The following SEC24A variants were observed in gnomAD, a reference collection of about 807,000 sequenced individuals.
The protein encoded by SEC24A is protein transport protein Sec24A.
Under a neutral mutation model 129.4 loss-of-function variants are expected in SEC24A, and 93 were observed. That is an observed-to-expected ratio of 0.72 (90% confidence interval 0.61 to 0.85). The LOEUF (loss-of-function observed/expected upper bound fraction) is 0.85, where lower values mean the gene tolerates loss of function less well. Ranked by LOEUF, SEC24A falls within the 40% of genes least tolerant of loss-of-function variation. The probability of loss-of-function intolerance (pLI) is 0.00; values close to 1 mark genes in which losing one functional copy is unlikely to be tolerated. For synonymous variants in SEC24A, 460 were observed against 467.3 expected (o/e 0.98, Z 0.20); for missense variants, 1,264 against 1,307.4 (o/e 0.97, Z 0.51).
intron 2 of SEC24A, among the ~76,000 whole-genome samples, chr5:134,663,593 G>A (rs557216512): frequency 3.9e-5 from 6 of 152,276 alleles, no homozygotes; most frequent in African/African-American, 1.4e-4. Flanking sequence ...CAAGGCAGGA[G>A]GATCCACTTG....
At chr5:134,724,928 G>A (rs1752723553) in intron 22 of SEC24A, 52 bp from the exon 23 acceptor site, 2 of 866,664 alleles carry the variant, frequency 2.3e-6, no homozygotes, top group African/African-American at 1.7e-5. Context: ...CTTCTGACAA[G>A]TCTATTTTAC....
chr5:134,671,671 T>C (rs1183241843), intron 3 of SEC24A, 138 bp from the exon 4 acceptor site: 1 of 527,506 alleles, frequency 1.9e-6, no homozygotes, highest in Non-Finnish European at 3.2e-6. Context: ...ACTTGGATTT[T>C]TTATGTTGTT....
intron 11 of SEC24A, 87 bp from the exon 12 acceptor site, chr5:134,692,515 G>A (rs1416480656): frequency 1.5e-6 from 1 of 676,096 alleles, no homozygotes; most frequent in Non-Finnish European, 2.6e-6. Flanking sequence ...TTAAGGAAGG[G>A]GGTGGTTAAT....
chr5:134,713,278 T>C (rs1212816376), intron 18 of SEC24A, among the ~76,000 whole-genome samples: 1 of 152,134 alleles, frequency 6.6e-6, no homozygotes, highest in Non-Finnish European at 1.5e-5. Context: ...TTCTTTCTTC[T>C]TCAGGCCTTT....
At chr5:134,688,405 T>C (rs1751521464) in intron 11 of SEC24A, 106 bp downstream of exon 11, 1 of 700,576 alleles carries the variant, frequency 1.4e-6, no homozygotes, top group Admixed American at 2.7e-5. Context: ...AGGAAAATCT[T>C]GAGTATAAAA....
At position 134,672,923 on chromosome 5, in the gene SEC24A, T is replaced by TG. The variant is rs563517995; in HGVS notation, c.817+1044dup. On this transcript the variant is annotated intron_variant, in intron 4 of 22. Transcript: ENST00000398844. ...GCTAGTTTTTTTATTTTTGTAGAGA[T>TG]GGGGGGGTGGGTCTCAATATATTGC... is the stretch of plus-strand genomic sequence containing the variant. 1.9e-3 allele frequency among the ~76,000 whole-genome samples: 289 copies of TG among 151,554 alleles called. 1 individual carries two copies. Among genetic ancestry groups the TG allele is most frequent in the South Asian group, 0.019 (90 of 4,784 alleles).
chr5:134,675,264 C>T (rs1455652225), intron 6 of SEC24A, 47 bp downstream of exon 6: 1 of 1,466,420 alleles, frequency 6.8e-7, no homozygotes, highest in Admixed American at 1.8e-5. Flanking sequence ...AGTTTTCTAG[C>T]TTTTTGCAGG....
chr5:134,673,199 G>T (rs1750933254), intron 4 of SEC24A, among the ~76,000 whole-genome samples: 1 of 151,918 alleles, frequency 6.6e-6, no homozygotes, highest in Non-Finnish European at 1.5e-5. Flanking sequence ...GGGATTACAG[G>T]CACGTGCCAC....
rs1752240541 is a variant in SEC24A, at chr5:134,708,857, T to G, written c.2696T>G (p.Phe899Cys). The G allele has an allele frequency of 1.9e-6, 3 of 1,613,616 alleles. No homozygotes were observed. Among genetic ancestry groups the G allele is most frequent in the Non-Finnish European group, 2.5e-6 (3 of 1,179,958 alleles). Residue 899 changes from phenylalanine to cysteine, a missense_variant, in exon 18 of 23, where the codon TTC (phenylalanine) becomes TGC (cysteine). By Grantham distance (205) the Phe-to-Cys change is radical (BLOSUM62 -2). Coordinates refer to ENST00000398844, the MANE Select transcript of SEC24A (RefSeq NM_021982.3). ...ATGGTTCCTTTTTCTTTGCGGCTTT[T>G]CCCACTTTTTGTGTTGGCTCTCCTT... ...GLMVPFSLRL[F>C]PLFVLALLKQ...
chr5:134,665,491 T>C (rs944500977), intron 2 of SEC24A, among the ~76,000 whole-genome samples: 2 of 151,398 alleles, frequency 1.3e-5, no homozygotes, highest in South Asian at 4.2e-4. Flanking sequence ...TCTGCCTCGG[T>C]CTCCCAAAGT....
At chr5:134,715,861 A>G (rs1197672227) in intron 19 of SEC24A, among the ~76,000 whole-genome samples, 1 of 152,022 alleles carries the variant, frequency 6.6e-6, no homozygotes, top group Non-Finnish European at 1.5e-5. Flanking sequence ...TAAAAAAAAA[A>G]AAAAAAAAGT....
chr5:134,694,819 CAAAA>C (rs79409386), intron 13 of SEC24A, among the ~76,000 whole-genome samples: 4 of 66,006 alleles, frequency 6.1e-5, no homozygotes, highest in Non-Finnish European at 6.4e-5. Context: ...AACTCCGTCT[CAAAA>C]AAAAAAAAAA....
intron 8 of SEC24A, among the ~76,000 whole-genome samples, chr5:134,680,896 C>T (rs953197201): frequency 2.6e-5 from 4 of 151,794 alleles, no homozygotes; most frequent in African/African-American, 9.7e-5. Context: ...GTCAGGAGTT[C>T]GAGATCAGTG....
chr5:134,724,622 G>GTA (rs902167378), intron 22 of SEC24A, among the ~76,000 whole-genome samples: 5 of 150,242 alleles, frequency 3.3e-5, no homozygotes, highest in African/African-American at 9.8e-5. Context: ...GAATTCCATT[G>GTA]TATATATATA....
At chr5:134,692,057 CTTTTT>C (rs61531967) in intron 11 of SEC24A, among the ~76,000 whole-genome samples, 3 of 127,940 alleles carry the variant, frequency 2.3e-5, no homozygotes, top group Non-Finnish European at 1.7e-5. Flanking sequence ...TTTTTCTTTC[CTTTTT>C]TTTTTTTTTT....
At chr5:134,657,112 G>A (rs575490413) in intron 1 of SEC24A, among the ~76,000 whole-genome samples, 2 of 151,934 alleles carry the variant, frequency 1.3e-5, no homozygotes, top group African/African-American at 4.8e-5. Flanking sequence ...TTGAGCTTGG[G>A]AGGTCGAGGC....
chr5:134,673,730 G>GATGT (rs1483170312), intron 4 of SEC24A, among the ~76,000 whole-genome samples: 2 of 152,130 alleles, frequency 1.3e-5, no homozygotes, highest in Admixed American at 1.3e-4. Flanking sequence ...AAAGTGCTGG[G>GATGT]ATTACAGGCA....
chr5:134,711,616 T>C (rs1388315314), intron 18 of SEC24A, among the ~76,000 whole-genome samples: 1 of 140,658 alleles, frequency 7.1e-6, no homozygotes. Flanking sequence ...CAGGCTGGAG[T>C]GGCAGTGGCG....
intron 3 of SEC24A, among the ~76,000 whole-genome samples, chr5:134,671,429 A>C (rs1344269024): frequency 2.0e-5 from 3 of 152,146 alleles, no homozygotes; most frequent in Non-Finnish European, 4.4e-5. Context: ...GAGGTTTTTA[A>C]TGCAGCTCTC....
Sources: gnomAD v4.1 joint callset for allele counts (sites outside exome capture counted in the v4.1 genomes callset) on GRCh38, gnomAD v4.1.1 for gene constraint, MANE v1.5 for transcripts, NCBI Gene and HGNC (gene_info 2026-07-23, HGNC 2026-07-21) for gene names.